NAV2: variants seen among roughly 807,000 people sequenced by gnomAD.
The protein encoded by NAV2 is helicase, APC down-regulated 1.
A neutral mutation model predicts 223.2 loss-of-function variants in NAV2; 54 were observed. The ratio of observed to expected loss-of-function variants is 0.24; its 90% CI spans 0.19 to 0.30. The LOEUF (loss-of-function observed/expected upper bound fraction) is 0.30. Ranked by LOEUF, NAV2 falls within the 10% of genes least tolerant of loss-of-function variation. NAV2 has a pLI of 1.00. For synonymous variants in NAV2, 1,279 were observed against 1,239.3 expected (o/e 1.03, Z -0.67); for missense variants, 2,806 against 3,147.5 (o/e 0.89, Z 2.60).
chr11:19,909,427 G>T (rs771264111), intron 6 of NAV2, among the ~76,000 whole-genome samples: 1 of 152,178 alleles, frequency 6.6e-6, no homozygotes, highest in Non-Finnish European at 1.5e-5. Flanking sequence ...GCTGGCCTAG[G>T]AATTTTAAGT....
chr11:19,707,802 G>A (rs1305147338), intron 1 of NAV2, among the ~76,000 whole-genome samples: 1 of 152,150 alleles, frequency 6.6e-6, no homozygotes, highest in African/African-American at 2.4e-5. Context: ...CCACAAACAT[G>A]AGTACTGTGT....
intron 1 of NAV2, among the ~76,000 whole-genome samples, chr11:19,455,417 A>G (rs914359993): frequency 6.6e-6 from 1 of 152,176 alleles, no homozygotes; most frequent in East Asian, 1.9e-4. Flanking sequence ...ATTTTAGGCC[A>G]CTATATGCTC....
intron 1 of NAV2, among the ~76,000 whole-genome samples, chr11:19,370,549 C>A (rs1251077870): frequency 6.6e-6 from 1 of 152,168 alleles, no homozygotes; most frequent in Non-Finnish European, 1.5e-5. Context: ...ATATTTTAGA[C>A]CATGTGGAGA....
Position 20,063,382 on chromosome 11 carries a change from A to G in NAV2, c.4884+1023A>G, listed in dbSNP as rs547305179. 4.6e-5 allele frequency among the ~76,000 whole-genome samples: 7 copies of G among 151,882 alleles called. No homozygotes were observed. In the East Asian group the frequency reaches 1.4e-3, roughly 30 times the overall value. ...TTTATAGCTGTACACTATTTATTTT[A>G]TTTTATTTTAGACAGACTCTCGCTC... On this transcript the variant is annotated intron_variant, in intron 20 of 37. Coordinates refer to ENST00000349880, the MANE Select transcript of NAV2 (RefSeq NM_145117.5).
At chr11:19,467,045 A>T (rs1393434948) in intron 1 of NAV2, among the ~76,000 whole-genome samples, 1 of 147,152 alleles carries the variant, frequency 6.8e-6, no homozygotes, top group South Asian at 2.2e-4. Context: ...AGAGAGAGAG[A>T]TAGATAGAGA....
intron 1 of NAV2, among the ~76,000 whole-genome samples, chr11:19,775,452 A>G (rs1481386115): frequency 1.3e-5 from 2 of 152,226 alleles, no homozygotes. Context: ...GACGGACACT[A>G]GGACAATCAT....
intron 1 of NAV2, among the ~76,000 whole-genome samples, chr11:19,524,293 C>T (rs1207740035): frequency 5.9e-5 from 9 of 152,298 alleles, no homozygotes; most frequent in Admixed American, 4.6e-4. Context: ...GGTTATGCAA[C>T]GTCTGTGTGT....
chr11:19,988,212 G>A (rs192338646), intron 11 of NAV2, among the ~76,000 whole-genome samples: 2 of 152,244 alleles, frequency 1.3e-5, no homozygotes, highest in African/African-American at 2.4e-5. Flanking sequence ...AGCACACAAC[G>A]GGCTGAGCCA....
At chr11:19,432,171 C>T (rs1851060247) in intron 1 of NAV2, among the ~76,000 whole-genome samples, 1 of 148,854 alleles carries the variant, frequency 6.7e-6, no homozygotes, top group African/African-American at 2.5e-5. Context: ...GCACTCCAGC[C>T]TGGGCAACAA....
intron 1 of NAV2, among the ~76,000 whole-genome samples, chr11:19,620,471 T>C (rs2135409765): frequency 6.6e-6 from 1 of 152,302 alleles, no homozygotes; most frequent in South Asian, 2.1e-4. Context: ...GAAGAGGTCC[T>C]TCACATCCCT....
chr11:19,926,933 G>A (rs1336628120), intron 6 of NAV2, among the ~76,000 whole-genome samples: 3 of 152,110 alleles, frequency 2.0e-5, no homozygotes, highest in African/African-American at 7.2e-5. Context: ...GGGGACAGGA[G>A]AGACCTGGGG....
chr11:19,776,632 A>ATG (rs71050685), intron 1 of NAV2, among the ~76,000 whole-genome samples: 6,706 of 64,584 alleles, frequency 0.1, 618 homozygotes, highest in East Asian at 0.15. Flanking sequence ...GGGTCAGAAA[A>ATG]TGTGTGTGTG....
intron 1 of NAV2, among the ~76,000 whole-genome samples, chr11:19,396,145 C>A (rs1849437007): frequency 6.6e-6 from 1 of 152,182 alleles, no homozygotes; most frequent in South Asian, 2.1e-4. Flanking sequence ...TTGTGAATAA[C>A]CAGTCTCAGC....
chr11:19,456,356 A>G (rs1851958912), intron 1 of NAV2, among the ~76,000 whole-genome samples: 1 of 152,344 alleles, frequency 6.6e-6, no homozygotes, highest in Non-Finnish European at 1.5e-5. Flanking sequence ...TCATGAAATA[A>G]TGACTATTAA....
chr11:19,662,600 G>A (rs1368653334), intron 1 of NAV2, among the ~76,000 whole-genome samples: 2 of 152,254 alleles, frequency 1.3e-5, no homozygotes, highest in African/African-American at 4.8e-5. Context: ...AGGGGTGACA[G>A]TGTGGCCCTC....
At chr11:19,877,960 T>C (rs1207716432) in intron 4 of NAV2, among the ~76,000 whole-genome samples, 1 of 152,160 alleles carries the variant, frequency 6.6e-6, no homozygotes, top group Non-Finnish European at 1.5e-5. Flanking sequence ...AAGTGGAACA[T>C]GCTACAGGTG....
chr11:19,847,779 A>G (rs2060888009), intron 3 of NAV2, among the ~76,000 whole-genome samples: 1 of 152,198 alleles, frequency 6.6e-6, no homozygotes, highest in Non-Finnish European at 1.5e-5. Flanking sequence ...CAAATACAGC[A>G]TGTCCCCTTA....
chr11:20,067,183 G>A (rs936910431), intron 20 of NAV2, among the ~76,000 whole-genome samples: 7 of 152,144 alleles, frequency 4.6e-5, no homozygotes, highest in Admixed American at 3.3e-4. Flanking sequence ...GGGACAGCAC[G>A]AAGATGAAGG....
intron 1 of NAV2, among the ~76,000 whole-genome samples, chr11:19,735,645 A>G (rs1327098015): frequency 4.6e-5 from 7 of 152,198 alleles, no homozygotes; most frequent in Non-Finnish European, 1.5e-5. Context: ...TTCTGAACCA[A>G]GGAGTTTGAA....
Sources: gnomAD v4.1 joint callset for allele counts (sites outside exome capture counted in the v4.1 genomes callset) on GRCh38, gnomAD v4.1.1 for gene constraint, MANE v1.5 for transcripts, NCBI Gene and HGNC (gene_info 2026-07-23, HGNC 2026-07-21) for gene names.